ZZEF1: variants seen among roughly 807,000 people sequenced by gnomAD.
ZZEF1 encodes zinc finger ZZ-type and EF-hand domain containing 1, also known as zinc finger ZZ-type and EF-hand domain-containing protein 1.
A neutral mutation model predicts 342.8 loss-of-function variants in ZZEF1; 157 were observed. The ratio of observed to expected loss-of-function variants is 0.46; its 90% confidence interval spans 0.40 to 0.52. The LOEUF (loss-of-function observed/expected upper bound fraction) is 0.52. ZZEF1 is among the 20% of genes least tolerant of loss of function. The pLI is 0.00. For synonymous variants in ZZEF1, 1,505 were observed against 1,429.1 expected, an observed-to-expected ratio of 1.05 and a Z score of -1.20; for missense variants, 3,480 against 3,725.6, an observed-to-expected ratio of 0.93 and a Z score of 1.72.
At chr17:4,063,055 A>T (rs567954618) in intron 29 of ZZEF1, 138 bp from the exon 30 acceptor site, 1 of 782,162 alleles carries the variant, frequency 1.3e-6, no homozygotes, top group East Asian at 2.8e-5. Flanking sequence ...CATGTAGGAG[A>T]AGTACCAATA....
chr17:4,085,746 C>T lies in ZZEF1; in HGVS notation c.2570G>A (p.Arg857Lys), dbSNP rs2057806881. 6.2e-7 allele frequency: 1 copy of T among 1,614,146 alleles called. No individual in the cohort carries two copies. The highest frequency in any genetic ancestry group is 8.5e-7 in the Non-Finnish European group (1 of 1,180,014). ...VPMEILKQEV[R>K]NTLLNGAAIF... Reference sequence around the variant, plus strand: ...GGCAGCCCCATTGAGAAGGGTATTCCTGACTTCTTGTTTTAGTATCTCCAT... The same window carrying T: ...GGCAGCCCCATTGAGAAGGGTATTCTTGACTTCTTGTTTTAGTATCTCCAT... The change falls in exon 16 of 55, where the codon AGG becomes AAG. Residue 857 changes from arginine to lysine, a missense_variant. By Grantham distance (26) the Arg-to-Lys change is conservative (BLOSUM62 2). This residue lies in a region of ZZEF1 where 1,528 missense variants were observed against 1,624.1 expected (regional missense o/e 0.94). Coordinates refer to ENST00000381638, the MANE Select transcript of ZZEF1 (RefSeq NM_015113.4).
chr17:4,024,834 C>T, intron 43 of ZZEF1, 85 bp downstream of exon 43: 4 of 1,310,076 alleles, frequency 3.1e-6, no homozygotes, highest in Non-Finnish European at 4.4e-6. Context: ...CCATCGAAAT[C>T]AGATGGCATT....
Position 4,082,421 on chromosome 17 carries a change from A to G in ZZEF1, c.2714+16T>C, listed in dbSNP as rs747653818. Reference sequence around the variant, plus strand: ...GATTTGAGTTATCCGACAATTAAAAAGAACGATCAGCTTACCTAAAATACG... The same window carrying G: ...GATTTGAGTTATCCGACAATTAAAAGGAACGATCAGCTTACCTAAAATACG... On this transcript the variant is annotated intron_variant, in intron 17 of 54. Coordinates refer to ENST00000381638, the MANE Select transcript of ZZEF1 (RefSeq NM_015113.4). The G allele has an allele frequency of 4.3e-6, 7 of 1,613,440 alleles. No homozygotes were observed. The highest frequency in any genetic ancestry group is 1.7e-5 in the Admixed American group (1 of 60,002).
At chr17:4,026,811 C>T (rs763708726) in intron 42 of ZZEF1, among the ~76,000 whole-genome samples, 12 of 152,046 alleles carry the variant, frequency 7.9e-5, no homozygotes, top group Non-Finnish European at 1.8e-4. Context: ...TGAGCCACCA[C>T]ACCCAGCCTT....
intron 10 of ZZEF1, 128 bp downstream of exon 10, chr17:4,096,481 T>A: frequency 1.3e-6 from 1 of 754,100 alleles, no homozygotes; most frequent in Non-Finnish European, 2.3e-6. Flanking sequence ...CTCTGTATGA[T>A]TATTTCACAT....
intron 1 of ZZEF1, among the ~76,000 whole-genome samples, chr17:4,132,571 G>A (rs890463631): frequency 3.3e-5 from 5 of 151,792 alleles, no homozygotes; most frequent in Non-Finnish European, 5.9e-5. Flanking sequence ...GGTGGCAGGC[G>A]CCTGTAATCC....
intron 43 of ZZEF1, among the ~76,000 whole-genome samples, chr17:4,023,983 C>CCT (rs1367815072): frequency 6.6e-6 from 1 of 152,088 alleles, no homozygotes; most frequent in East Asian, 1.9e-4. Context: ...TGTTGAGTGC[C>CCT]CTCCATGACC....
intron 13 of ZZEF1, among the ~76,000 whole-genome samples, chr17:4,087,986 T>C (rs1375895177): frequency 6.6e-6 from 1 of 152,196 alleles, no homozygotes; most frequent in East Asian, 1.9e-4. Flanking sequence ...AGGCTTCTCC[T>C]TCTTATTTGC....
intron 4 of ZZEF1, 45 bp downstream of exon 4, chr17:4,114,254 C>T: frequency 7.1e-7 from 1 of 1,406,602 alleles, no homozygotes; most frequent in Non-Finnish European, 9.4e-7. Context: ...AAGAAGAAAA[C>T]AATCCAAAAT....
intron 30 of ZZEF1, among the ~76,000 whole-genome samples, chr17:4,060,212 A>G (rs181345818): frequency 2.0e-5 from 3 of 152,390 alleles, no homozygotes; most frequent in Non-Finnish European, 4.4e-5. Flanking sequence ...TGATCAAATA[A>G]GCCCTCAAAA....
intron 5 of ZZEF1, 136 bp from the exon 6 acceptor site, chr17:4,109,999 T>C (rs1232654773): frequency 1.1e-5 from 8 of 736,176 alleles, no homozygotes; most frequent in Middle Eastern, 2.5e-4. Context: ...CAGAAATAAA[T>C]AGCATGTGCA....
chr17:4,120,719 A>T (rs2058469210), intron 2 of ZZEF1, among the ~76,000 whole-genome samples: 1 of 152,220 alleles, frequency 6.6e-6, no homozygotes, highest in South Asian at 2.1e-4. Flanking sequence ...GGTAGGTGGA[A>T]TGCCCGAGCT....
In ZZEF1 at chr17:4,017,904, T is replaced by A; in HGVS notation, c.7573A>T (p.Lys2525Ter). The A allele has an allele frequency of 6.2e-7, 1 of 1,614,160 alleles. No individual in the cohort carries two copies. Among genetic ancestry groups the A allele is most frequent in the Non-Finnish European group, 8.5e-7 (1 of 1,180,040 alleles). ...RSLAQRWQPS[K>*]SLRLEEQSAK... ...CTCTGTTCTTCCAGCCTCAGACTCT[T>A]ACTGGGCTGCCACCGCTGAGCCAGG... Residue 2525 changes from lysine (K) to a stop codon, truncating the protein, a stop_gained, in exon 47 of 55, where the codon AAG becomes TAG. Coordinates refer to ENST00000381638, the MANE Select transcript of ZZEF1 (RefSeq NM_015113.4). LOFTEE classifies it high-confidence loss of function. The surrounding 1 kb of genome is among the most constrained non-coding windows in gnomAD (Gnocchi z 5.1).
At position 4,104,686 on chromosome 17, in the gene ZZEF1, G is replaced by A. The variant is rs1242574458; in HGVS notation, c.1520C>T (p.Ser507Leu). Reference sequence around the variant, plus strand: ...TGACGCCATGGACAAGATGAGGGATGAGGCATCATACTGCGTGTCCAGATG... The same window carrying A: ...TGACGCCATGGACAAGATGAGGGATAAGGCATCATACTGCGTGTCCAGATG... Reference protein sequence around the residue: ...TDHLDTQYDASSLILSMASVR... With the variant: ...TDHLDTQYDALSLILSMASVR... The change falls in exon 8 of 55, where the codon TCA becomes TTA. Residue 507 changes from serine to leucine, a missense_variant. By Grantham distance (145) the Ser-to-Leu change is moderately radical. Around this residue, in one of 5 missense-constraint regions of ZZEF1, gnomAD observed 1,528 missense variants for 1,624.1 expected, o/e 0.94. Transcript: ENST00000381638. 2.5e-6 allele frequency: 4 copies of A among 1,614,028 alleles called. No homozygotes were observed. In the African/African-American group the frequency reaches 5.3e-5, roughly 22 times the overall value.
At chr17:4,087,569 G>A (rs192241794) in intron 13 of ZZEF1, 35 bp from the exon 14 acceptor site, 26 of 1,549,102 alleles carry the variant, frequency 1.7e-5, no homozygotes, top group East Asian at 6.8e-5. Flanking sequence ...AAATAAAACT[G>A]AAAAATGCAT....
rs1198860363 is a variant in ZZEF1, at chr17:4,070,818, A to G, written c.3941T>C (p.Phe1314Ser). 6.2e-7 allele frequency: 1 copy of G among 1,614,062 alleles called. No homozygotes were observed. The highest frequency in any genetic ancestry group is 2.2e-5 in the East Asian group (1 of 44,888). ...GGCCTGTTTTCTACATGCCTGTATG[A>G]ATCCTTTGAAAAGTTCTGAATATGG... is the stretch of plus-strand genomic sequence containing the variant. ...CGPYSELFKG[F>S]IQACRKQAPK... is the part of the protein sequence containing the mutation. Residue 1314 changes from phenylalanine (F) to serine (S), a missense_variant, in exon 26 of 55, where the codon TTC (phenylalanine) becomes TCC (serine). Physicochemically the swap from Phe to Ser is radical, Grantham distance 155. This residue lies in a region of ZZEF1 where 1,528 missense variants were observed against 1,624.1 expected (regional missense o/e 0.94). Transcript: ENST00000381638.
intron 42 of ZZEF1, among the ~76,000 whole-genome samples, chr17:4,029,313 A>G (rs75286017): frequency 0.017 from 2,538 of 152,286 alleles, 33 homozygotes; most frequent in African/African-American, 0.037. Flanking sequence ...CAACCAAATG[A>G]TATCTGGAAT....
intron 31 of ZZEF1, 75 bp downstream of exon 31, chr17:4,059,096 A>G (rs2057229972): frequency 7.8e-7 from 1 of 1,288,396 alleles, no homozygotes; most frequent in Non-Finnish European, 1.0e-6. Flanking sequence ...TATTTTTGAC[A>G]GTGAACATAT....
chr17:4,096,582 G>C, intron 10 of ZZEF1, 27 bp downstream of exon 10: 1 of 1,596,052 alleles, frequency 6.3e-7, no homozygotes, highest in East Asian at 2.2e-5. Flanking sequence ...TAGTAACATT[G>C]CTTAAAGAAG....
Sources: allele counts gnomAD v4.1 joint callset (sites outside exome capture counted in the v4.1 genomes callset), GRCh38; gene constraint gnomAD v4.1.1; regional missense constraint gnomAD v4.1.1; non-coding constraint Gnocchi (gnomAD v3.1); transcripts MANE v1.5; gene names NCBI Gene and HGNC (gene_info 2026-07-23, HGNC 2026-07-21).